HDAC7: variants seen among roughly 807,000 people sequenced by gnomAD.
The protein encoded by HDAC7 is histone deacetylase 7A.
In HDAC7, 26 loss-of-function variants were observed where a neutral mutation model predicts 115.5. The ratio of observed to expected loss-of-function variants is 0.23; its 90% CI spans 0.16 to 0.31. The LOEUF (loss-of-function observed/expected upper bound fraction) is 0.31. HDAC7 is among the 10% of genes least tolerant of loss of function. HDAC7 has a pLI of 1.00. For missense variants in HDAC7, 1,068 were observed against 1,329.0 expected, an observed-to-expected ratio of 0.80 and a Z score of 3.05; for synonymous variants, 564 against 550.9, an observed-to-expected ratio of 1.02 and a Z score of -0.33.
intron 2 of HDAC7, among the ~76,000 whole-genome samples, chr12:47,800,468 G>A (rs765965209): frequency 6.6e-6 from 1 of 152,154 alleles, no homozygotes; most frequent in Non-Finnish European, 1.5e-5. Context: ...CATGTCCCCC[G>A]AATATCAAGA....
intron 16 of HDAC7, chr12:47,791,033 G>A (rs987099228): frequency 1.7e-6 from 1 of 579,690 alleles, no homozygotes. Context: ...ACCTTCTAGG[G>A]GAAGGCTTAG....
chr12:47,789,864 G>A lies in HDAC7; in HGVS notation c.2040C>T (p.Ala680=), dbSNP rs747152779. Residue 680 remains alanine (A), a synonymous_variant, in exon 17 of 26, where the codon GCC becomes GCT. Transcript: ENST00000080059. ...ELHSSNAARW[A]AGSVTDLAFK... The stretch of plus-strand genomic sequence containing the variant: ...AGGCGAGGTCAGTGACACTGCCAGC[G>A]GCCCAGCGGGCTGCATTGGAGGAAT... 9 of 1,613,742 alleles carry A rather than the reference G, an allele frequency of 5.6e-6. No homozygotes were observed. The highest frequency in any genetic ancestry group is 3.3e-5 in the South Asian group (3 of 91,092).
rs755548267 is a variant in HDAC7, at chr12:47,797,412, G to A, written c.549C>T (p.Pro183=). 25 of 1,614,086 alleles carry A rather than the reference G, an allele frequency of 1.5e-5. No homozygotes were observed. Among genetic ancestry groups the A allele is most frequent in the Non-Finnish European group, 2.1e-5 (25 of 1,180,038 alleles). ...LPPVPSLPSD[P]PEHFPLRKTV... ...TCTTGCGCAGAGGGAAGTGCTCTGG[G>A]GGGTCACTGGGCAGGCTGGGAACAG... Residue 183 remains proline, a synonymous_variant, in exon 6 of 26, where the codon CCC becomes CCT. Coordinates refer to ENST00000080059, the MANE Select transcript of HDAC7 (RefSeq NM_015401.5). The surrounding 1 kb of genome is among the most constrained non-coding windows in gnomAD (Gnocchi z 5.5).
intron 24 of HDAC7, 104 bp from the exon 25 acceptor site, chr12:47,784,321 A>G (rs1057067440): frequency 2.1e-5 from 27 of 1,307,096 alleles, no homozygotes; most frequent in Non-Finnish European, 2.7e-5. Flanking sequence ...AGGGCCCCGG[A>G]GGAGCGGGCC....
chr12:47,801,884 C>A (rs548228785), intron 2 of HDAC7, among the ~76,000 whole-genome samples: 1 of 152,212 alleles, frequency 6.6e-6, no homozygotes. Flanking sequence ...AGTCCACACA[C>A]AAGAACACAC....
At chr12:47,799,773 C>T (rs932481205) in intron 2 of HDAC7, among the ~76,000 whole-genome samples, 1 of 152,234 alleles carries the variant, frequency 6.6e-6, no homozygotes, top group Non-Finnish European at 1.5e-5. Context: ...AACTGGCCAC[C>T]AGACTAGGGT....
chr12:47,784,529 G>A (rs1224723651), intron 24 of HDAC7: 8 of 613,758 alleles, frequency 1.3e-5, no homozygotes, highest in African/African-American at 3.7e-5. Context: ...GCTCCTGAGA[G>A]CATCAGGAGA....
At position 47,798,067 on chromosome 12, in the gene HDAC7, G is replaced by T. The variant is rs756262790; in HGVS notation, c.461+41C>A. 7.1e-7 allele frequency: 1 copy of T among 1,399,818 alleles called. No homozygotes were observed. Among genetic ancestry groups the T allele is most frequent in the Non-Finnish European group, 1.0e-6 (1 of 984,756 alleles). 86.7% of individuals were successfully genotyped at this position (1,399,818 alleles called of 1,614,324 possible). On this transcript the variant is annotated intron_variant, in intron 5 of 25. Transcript: ENST00000080059. The surrounding 1 kb of genome is among the most constrained non-coding windows in gnomAD (Gnocchi z 4.3). ...GGCTAACACGGGGGCGGGGGTGGAG[G>T]GTGCATGTGGGGACAGGAGGGCAGG...
Position 47,791,243 on chromosome 12 carries a change from C to A in HDAC7, c.1983+16G>T. 6.3e-7 allele frequency: 1 copy of A among 1,593,854 alleles called. No homozygotes were observed. Among genetic ancestry groups the A allele is most frequent in the African/African-American group, 1.3e-5 (1 of 74,284 alleles). On this transcript the variant is annotated intron_variant, in intron 16 of 25. Coordinates refer to ENST00000080059, the MANE Select transcript of HDAC7 (RefSeq NM_015401.5). ...AGCCCTGGCAACGCCCCCCTGAGAC[C>A]CCTGGGCACACTTACCCCAACCCCA...
At position 47,789,390 on chromosome 12, in the gene HDAC7, T is replaced by C. The variant is rs114532733; in HGVS notation, c.2148-42A>G. 4.7e-4 allele frequency: 743 copies of C among 1,582,120 alleles called. 8 individuals are homozygous for C. The African/African-American group carries it at 8.6e-3, about 18-fold the overall frequency. On this transcript the variant is annotated intron_variant, in intron 18 of 25. Transcript: ENST00000080059. ...GTCCTGCCAGCCCATTCTCTCCACATGCCCTCACCTCCCCAGGCCCCTGGG... is the reference window on the plus strand; with the variant it reads ...GTCCTGCCAGCCCATTCTCTCCACACGCCCTCACCTCCCCAGGCCCCTGGG...
At position 47,802,137 on chromosome 12, in the gene HDAC7, TA is replaced by T. The variant is rs2137008965; in HGVS notation, c.70+86del. On this transcript the variant is annotated intron_variant, in intron 2 of 25. Coordinates refer to ENST00000080059, the MANE Select transcript of HDAC7 (RefSeq NM_015401.5). ...AGATCAGCCAGCGACCCTGCTTCTCTAACCCCTCAGCTTCTCGCGTTCTTAC... is the reference window on the plus strand; with the variant it reads ...AGATCAGCCAGCGACCCTGCTTCTCTACCCCTCAGCTTCTCGCGTTCTTAC... 1.1e-5 allele frequency: 16 copies of T among 1,407,408 alleles called. No individual in the cohort carries two copies. The South Asian group carries it at 1.7e-4, about 15-fold the overall frequency. 87.2% of individuals were successfully genotyped at this position (1,407,408 alleles called of 1,614,324 possible). A position where few individuals can be genotyped will look rare whatever the true frequency, so the allele number is the denominator to read the frequency against.
In HDAC7 at chr12:47,819,747, G is replaced by C; in HGVS notation, c.19+20C>G. 1 of 832,542 alleles carries C rather than the reference G, an allele frequency of 1.2e-6. No homozygotes were observed. The highest frequency in any genetic ancestry group is 1.5e-6 in the Non-Finnish European group (1 of 679,866). The allele number at this position is 832,542 out of a possible 1,614,324, so 51.6% of individuals were successfully genotyped here. ...GTGCCGCGCGCAGGGCGGGGCGGGG[G>C]GCGGCCGCCCAGTACTCACCAGCGC... On this transcript the variant is annotated intron_variant, in intron 1 of 25. Transcript: ENST00000080059.
intron 1 of HDAC7, chr12:47,812,781 C>G (rs1474425592): frequency 6.6e-6 from 1 of 152,254 alleles, no homozygotes; most frequent in Non-Finnish European, 1.5e-5. Context: ...TCAGAGCCAT[C>G]AGCATCCTTA....
rs7306788 is a variant in HDAC7, at chr12:47,784,123, C to T, written c.2886G>A (p.Val962=). 268,654 of 1,613,372 alleles carry T rather than the reference C, an allele frequency of 0.17. 24,393 individuals are homozygous for T. The highest frequency in any genetic ancestry group is 0.19 in the Non-Finnish European group (222,486 of 1,179,610). Residue 962 remains valine, a synonymous_variant, in exon 25 of 26, where the codon GTG becomes GTA. Coordinates refer to ENST00000080059, the MANE Select transcript of HDAC7 (RefSeq NM_015401.5). ...PGADKEEVEA[V]TALASLSVGI... ...CCACAGAGAGGGACGCCAGTGCGGT[C>T]ACTGCCTCCACTTCTTCTTTGTCAG...
rs1234524144 is a variant in HDAC7, at chr12:47,786,598, A to G, written c.2559T>C (p.His853=). 5 of 1,612,726 alleles carry G rather than the reference A, an allele frequency of 3.1e-6. No homozygotes were observed. Among genetic ancestry groups the G allele is most frequent in the Admixed American group, 3.3e-5 (2 of 60,002 alleles). The change falls in exon 22 of 26, where the codon CAT becomes CAC. Residue 853 remains histidine, a synonymous_variant. Coordinates refer to ENST00000080059, the MANE Select transcript of HDAC7 (RefSeq NM_015401.5). The stretch of plus-strand genomic sequence containing the variant: ...AGGCTCCCTTACATTTGGCAGAAAC[A>G]TGGTAGCCACCCAGTGGGGCCGGGT... ...EGHPAPLGGY[H]VSAKCFGYMT...
At position 47,798,263 on chromosome 12, in the gene HDAC7, G is replaced by C. The variant is rs1169170757; in HGVS notation, c.350-44C>G. ...GAGGGGGCTGGAGGTGGGTGGACAGGCGGCCTCGTGGCACTACCTGGCCAC... is the reference window on the plus strand; with the variant it reads ...GAGGGGGCTGGAGGTGGGTGGACAGCCGGCCTCGTGGCACTACCTGGCCAC... On this transcript the variant is annotated intron_variant, in intron 4 of 25. Transcript: ENST00000080059. The surrounding 1 kb of genome is among the most constrained non-coding windows in gnomAD (Gnocchi z 4.3). The C allele has an allele frequency of 1.4e-6, 2 of 1,478,428 alleles. No homozygotes were observed. The highest frequency in any genetic ancestry group is 1.9e-6 in the Non-Finnish European group (2 of 1,058,904). The allele number at this position is 1,478,428 out of a possible 1,614,324, so 91.6% of individuals were successfully genotyped here. A position where few individuals can be genotyped will look rare whatever the true frequency, so the allele number is the denominator to read the frequency against.
intron 2 of HDAC7, among the ~76,000 whole-genome samples, chr12:47,801,275 TC>T (rs1944153202): frequency 6.6e-6 from 1 of 152,174 alleles, no homozygotes; most frequent in African/African-American, 2.4e-5. Context: ...TGTTTATTAT[TC>T]CTAGCACCTG....
At chr12:47,791,112 A>G (rs1398840062) in intron 16 of HDAC7, 147 bp downstream of exon 16, 1 of 753,340 alleles carries the variant, frequency 1.3e-6, no homozygotes, top group Non-Finnish European at 2.3e-6. Context: ...TTCCTGCTGC[A>G]GGGGGCACCT....
Position 47,798,793 on chromosome 12 carries a change from G to A in HDAC7, c.250C>T (p.Pro84Ser). The A allele has an allele frequency of 6.4e-7, 1 of 1,556,184 alleles. No individual in the cohort carries two copies. Among genetic ancestry groups the A allele is most frequent in the African/African-American group, 1.4e-5 (1 of 73,432 alleles). The change falls in exon 3 of 26, where the codon CCC (proline) becomes TCC (serine). Residue 84 changes from proline (P) to serine (S), a missense_variant. By Grantham distance (74) the Pro-to-Ser change is moderately conservative. This residue lies in a region of HDAC7 where 161 missense variants were observed against 158.5 expected (regional missense o/e 1.02). Coordinates refer to ENST00000080059, the MANE Select transcript of HDAC7 (RefSeq NM_015401.5). This position sits in a 1 kb window ranked among gnomAD's most constrained non-coding sequence, Gnocchi z 4.3. ...AGLQQQRSVE[P>S]MRLSMDTPMP... Reference sequence around the variant, plus strand: ...GGGAGCTCCATCTTTACCCTCATGGGCTCCACCGAGCGCTGCTGCTGCAGG... The same window carrying A: ...GGGAGCTCCATCTTTACCCTCATGGACTCCACCGAGCGCTGCTGCTGCAGG...
Sources: allele counts gnomAD v4.1 joint callset (sites outside exome capture counted in the v4.1 genomes callset), GRCh38; gene constraint gnomAD v4.1.1; regional missense constraint gnomAD v4.1.1; non-coding constraint Gnocchi (gnomAD v3.1); transcripts MANE v1.5; gene names NCBI Gene and HGNC (gene_info 2026-07-23, HGNC 2026-07-21).